RAD54B: variants seen among roughly 807,000 people sequenced by gnomAD.
RAD54B encodes RAD54 homolog B.
Under a neutral mutation model 95.8 loss-of-function variants are expected in RAD54B, and 78 were observed. The ratio of observed to expected loss-of-function variants is 0.81; its 90% CI spans 0.68 to 0.98. The LOEUF (loss-of-function observed/expected upper bound fraction) is 0.98, where lower values mean the gene tolerates loss of function less well. Ranked by LOEUF, RAD54B falls within the 50% of genes least tolerant of loss-of-function variation. The pLI, the probability that RAD54B is intolerant of heterozygous loss-of-function variation, is 0.00. For synonymous variants in RAD54B, 328 were observed against 354.9 expected, an observed-to-expected ratio of 0.92 and a Z score of 0.85; for missense variants, 957 against 1,056.6, an observed-to-expected ratio of 0.91 and a Z score of 1.31.
chr8:94,452,726 T>C (rs1012429450), intron 3 of RAD54B, among the ~76,000 whole-genome samples: 4 of 152,128 alleles, frequency 2.6e-5, no homozygotes, highest in Non-Finnish European at 4.4e-5. Context: ...CTCGATCTCC[T>C]GACCTCATGA....
intron 3 of RAD54B, among the ~76,000 whole-genome samples, chr8:94,442,297 G>A (rs1162241208): frequency 6.6e-6 from 1 of 152,246 alleles, no homozygotes; most frequent in Middle Eastern, 3.4e-3. Flanking sequence ...TTAAAAGCTG[G>A]GCACGGTGGC....
At chr8:94,397,245 C>A (rs1479488660) in intron 8 of RAD54B, among the ~76,000 whole-genome samples, 1 of 152,138 alleles carries the variant, frequency 6.6e-6, no homozygotes, top group African/African-American at 2.4e-5. Context: ...TACTCCTATA[C>A]AAACATGTAC....
intron 3 of RAD54B, chr8:94,431,138 T>C: frequency 7.5e-6 from 7 of 935,094 alleles, no homozygotes; most frequent in Non-Finnish European, 8.9e-6. Context: ...AAATTTAATA[T>C]GTATGCTTTA....
At chr8:94,446,307 A>C (rs1236363174) in intron 3 of RAD54B, among the ~76,000 whole-genome samples, 2 of 152,186 alleles carry the variant, frequency 1.3e-5, no homozygotes, top group Non-Finnish European at 2.9e-5. Flanking sequence ...CAAGATAAGA[A>C]TTATATGCCT....
intron 10 of RAD54B, 98 bp from the exon 11 acceptor site, chr8:94,387,257 C>T: frequency 2.0e-6 from 2 of 1,002,050 alleles, no homozygotes; most frequent in Non-Finnish European, 2.8e-6. Context: ...TGAAGATTAA[C>T]GGCTATCTGA....
chr8:94,436,655 A>G (rs1812271137), intron 3 of RAD54B: 2 of 1,550,412 alleles, frequency 1.3e-6, no homozygotes, highest in Non-Finnish European at 1.7e-6. Context: ...AGCCTTTTAT[A>G]AAGGGTGCGT....
chr8:94,402,265 T>TC (rs1811283985), intron 6 of RAD54B, among the ~76,000 whole-genome samples: 3 of 151,756 alleles, frequency 2.0e-5, no homozygotes, highest in South Asian at 2.1e-4. Flanking sequence ...TTTTTTTTTT[T>TC]CCTCTCCAGA....
chr8:94,446,142 C>T (rs1411527220), intron 3 of RAD54B, among the ~76,000 whole-genome samples: 1 of 152,036 alleles, frequency 6.6e-6, no homozygotes, highest in East Asian at 1.9e-4. Context: ...AAAGTTTGAA[C>T]AAAGTTGAAT....
intron 2 of RAD54B, among the ~76,000 whole-genome samples, chr8:94,462,321 A>G (rs545861546): frequency 6.6e-6 from 1 of 152,176 alleles, no homozygotes; most frequent in East Asian, 1.9e-4. Flanking sequence ...CAAATATCCT[A>G]TTTCCTCATT....
At chr8:94,444,515 G>A (rs1415192454) in intron 3 of RAD54B, among the ~76,000 whole-genome samples, 2 of 151,850 alleles carry the variant, frequency 1.3e-5, no homozygotes, top group African/African-American at 4.8e-5. Context: ...GTTCTAAAAT[G>A]AAAACAAAAA....
chr8:94,379,633 T>C (rs1178141940), intron 12 of RAD54B, among the ~76,000 whole-genome samples: 1 of 152,208 alleles, frequency 6.6e-6, no homozygotes, highest in African/African-American at 2.4e-5. Flanking sequence ...GATCCCCCAA[T>C]GCACATACCA....
intron 3 of RAD54B, among the ~76,000 whole-genome samples, chr8:94,422,776 A>ATATATATATATATATAT (rs1811855441): frequency 7.1e-6 from 1 of 140,288 alleles, no homozygotes; most frequent in African/African-American, 2.7e-5. Context: ...ATATATATAT[A>ATATATATATATATATAT]ATTGTTAGGG....
chr8:94,457,904 T>A (rs7833858), intron 3 of RAD54B, among the ~76,000 whole-genome samples: 4 of 152,186 alleles, frequency 2.6e-5, no homozygotes, highest in African/African-American at 7.2e-5. Context: ...CTCTAATGAA[T>A]TAACAAGTAA....
chr8:94,458,117 T>C (rs748955933), intron 3 of RAD54B, 151 bp downstream of exon 3: 2 of 642,712 alleles, frequency 3.1e-6, no homozygotes, highest in Non-Finnish European at 4.9e-6. Context: ...TAAAGATAAA[T>C]TATGACAACA....
chr8:94,445,699 AT>A (rs112064602), intron 3 of RAD54B, among the ~76,000 whole-genome samples: 265 of 146,326 alleles, frequency 1.8e-3, no homozygotes, highest in African/African-American at 2.5e-3. Flanking sequence ...AGGTACATTA[AT>A]TTTTTTTTTT....
intron 3 of RAD54B, among the ~76,000 whole-genome samples, chr8:94,445,646 G>C (rs1181506004): frequency 6.6e-6 from 1 of 152,016 alleles, no homozygotes; most frequent in African/African-American, 2.4e-5. Flanking sequence ...CAGCTGAGTT[G>C]TATCTGCAGT....
chr8:94,391,163 TTTTC>T (rs1164849908), intron 10 of RAD54B, among the ~76,000 whole-genome samples: 3 of 152,150 alleles, frequency 2.0e-5, no homozygotes, highest in South Asian at 4.2e-4. Context: ...ATGATTTTTA[TTTTC>T]TTTGTGATTT....
At position 94,404,207 on chromosome 8, in the gene RAD54B, G is replaced by C. The variant is rs1811329175; in HGVS notation, c.814C>G (p.His272Asp). ...CAGTTCTTATTGAATACCCACTGGT[G>C]ATTCTTATCTGGTCGTGGCATAACG... Reference protein sequence around the residue: ...SLVMPRPDKNHQWVFNKNCFP... With the variant: ...SLVMPRPDKNDQWVFNKNCFP... Residue 272 changes from histidine to aspartate, a missense_variant, in exon 6 of 15, where the codon CAC becomes GAC. Transcript: ENST00000336148. 6 of 1,606,972 alleles carry C rather than the reference G, an allele frequency of 3.7e-6. No homozygotes were observed. Among genetic ancestry groups the C allele is most frequent in the Non-Finnish European group, 5.1e-6 (6 of 1,177,234 alleles).
Position 94,434,178 on chromosome 8 carries a change from A to C in RAD54B, c.305-22863T>G, listed in dbSNP as rs1006649735. On this transcript the variant is annotated intron_variant, in intron 3 of 14. Coordinates refer to ENST00000336148, the MANE Select transcript of RAD54B (RefSeq NM_012415.3). ...GGAAAAGGCTAAAATTGCATATGAAAATTAAGTTTTTAAAACCACATAATT... is the reference window on the plus strand; with the variant it reads ...GGAAAAGGCTAAAATTGCATATGAACATTAAGTTTTTAAAACCACATAATT... 2.0e-5 allele frequency among the ~76,000 whole-genome samples: 3 copies of C among 151,910 alleles called. No homozygotes were observed. The East Asian group carries it at 5.8e-4, about 29-fold the overall frequency.
Sources: gnomAD v4.1 joint callset for allele counts (sites outside exome capture counted in the v4.1 genomes callset) on GRCh38, gnomAD v4.1.1 for gene constraint, MANE v1.5 for transcripts, NCBI Gene and HGNC (gene_info 2026-07-23, HGNC 2026-07-21) for gene names.